PLD5: variants seen among roughly 807,000 people sequenced by gnomAD.
PLD5 encodes inactive phospholipase D5.
A neutral mutation model predicts 61.1 loss-of-function variants in PLD5; 36 were observed. The ratio of observed to expected loss-of-function variants is 0.59; its 90% CI spans 0.45 to 0.78. The LOEUF (loss-of-function observed/expected upper bound fraction) is 0.78. Among genes scored for constraint, PLD5 ranks in the 30% least tolerant of loss-of-function variants. PLD5 has a pLI of 0.00. For missense variants in PLD5, 515 were observed against 644.4 expected, an observed-to-expected ratio of 0.80 and a Z score of 2.17; for synonymous variants, 243 against 242.8, an observed-to-expected ratio of 1.00 and a Z score of -0.01.
At chr1:242,400,144 A>G (rs868452004) in intron 1 of PLD5, among the ~76,000 whole-genome samples, 29 of 152,048 alleles carry the variant, frequency 1.9e-4, no homozygotes, top group African/African-American at 6.5e-4. Context: ...CTCCAGCCTG[A>G]GCGACAAGAG....
At chr1:242,440,898 A>G (rs184574330) in intron 1 of PLD5, among the ~76,000 whole-genome samples, 36 of 152,302 alleles carry the variant, frequency 2.4e-4, no homozygotes, top group Middle Eastern at 6.8e-3. Flanking sequence ...CACTGTATGG[A>G]TGAAATACAA....
chr1:242,529,779 C>CTTCCTTCCTTCCTTCCTTCCTTCT, the PLD5 span, among the ~76,000 whole-genome samples: 3,392 of 24,002 alleles, frequency 0.14, 94 homozygotes, highest in East Asian at 0.47. Context: ...GCACTGGGAT[C>CTTCCTTCCTTCCTTCCTTCCTTCT]TTCCTTCCTT....
intron 1 of PLD5, among the ~76,000 whole-genome samples, chr1:242,490,299 A>G (rs1668103196): frequency 6.6e-6 from 1 of 152,264 alleles, no homozygotes; most frequent in Admixed American, 6.5e-5. Flanking sequence ...AAACCCAGAA[A>G]TTCAAAAATC....
intron 5 of PLD5, among the ~76,000 whole-genome samples, chr1:242,219,546 T>C (rs767036524): frequency 2.6e-5 from 4 of 152,258 alleles, no homozygotes; most frequent in Non-Finnish European, 5.9e-5. Flanking sequence ...TTCAACATAT[T>C]TGAAGTTAAT....
intron 5 of PLD5, among the ~76,000 whole-genome samples, chr1:242,156,119 T>C (rs1460645887): frequency 1.3e-5 from 2 of 152,212 alleles, no homozygotes; most frequent in African/African-American, 4.8e-5. Context: ...CCTCTTTGTC[T>C]CTTTTGATCT....
chr1:242,165,501 CTA>C (rs1378231164), intron 5 of PLD5, among the ~76,000 whole-genome samples: 1 of 148,458 alleles, frequency 6.7e-6, no homozygotes, highest in African/African-American at 2.5e-5. Flanking sequence ...AAAATATAGA[CTA>C]TGAAAAAAAG....
At chr1:242,178,485 A>AT (rs1182685158) in intron 5 of PLD5, 1 of 152,088 alleles carries the variant, frequency 6.6e-6, no homozygotes, top group Non-Finnish European at 1.5e-5. Context: ...ATAAGGCTGT[A>AT]TTTTTCTTCC....
At chr1:242,433,941 G>T (rs752816434) in intron 1 of PLD5, among the ~76,000 whole-genome samples, 1 of 152,220 alleles carries the variant, frequency 6.6e-6, no homozygotes, top group African/African-American at 2.4e-5. Context: ...GACAGAAAAT[G>T]AGGTCAGAGA....
At chr1:242,408,370 T>C (rs1664357405) in intron 1 of PLD5, among the ~76,000 whole-genome samples, 1 of 152,186 alleles carries the variant, frequency 6.6e-6, no homozygotes, top group Non-Finnish European at 1.5e-5. Flanking sequence ...CCCCTCCAAA[T>C]CTCAGGTTGA....
intron 1 of PLD5, among the ~76,000 whole-genome samples, chr1:242,512,668 T>C (rs1668967323): frequency 6.6e-6 from 1 of 152,154 alleles, no homozygotes; most frequent in Admixed American, 6.5e-5. Flanking sequence ...CCATAAACAA[T>C]AACACTGGAT....
chr1:242,237,959 T>C (rs1467323219), intron 4 of PLD5, among the ~76,000 whole-genome samples: 1 of 152,190 alleles, frequency 6.6e-6, no homozygotes, highest in Admixed American at 6.5e-5. Context: ...CATTCTCCGA[T>C]GTGTCTGAAC....
chr1:242,410,796 T>C (rs1392222951), intron 1 of PLD5, among the ~76,000 whole-genome samples: 4 of 152,054 alleles, frequency 2.6e-5, no homozygotes, highest in Non-Finnish European at 5.9e-5. Context: ...CAGGCATAAA[T>C]GGGTTAAGGT....
chr1:242,474,052 C>T (rs1667517392), intron 1 of PLD5, among the ~76,000 whole-genome samples: 1 of 152,160 alleles, frequency 6.6e-6, no homozygotes, highest in African/African-American at 2.4e-5. Context: ...ATTATATAGG[C>T]ATTACAAAAT....
At chr1:242,515,041 T>C (rs752022441) in intron 1 of PLD5, among the ~76,000 whole-genome samples, 38 of 152,310 alleles carry the variant, frequency 2.5e-4, no homozygotes, top group Non-Finnish European at 4.6e-4. Flanking sequence ...AAATCTTCTG[T>C]GTATAGCTCT....
At chr1:242,273,406 T>C (rs1674225970) in intron 3 of PLD5, among the ~76,000 whole-genome samples, 2 of 152,144 alleles carry the variant, frequency 1.3e-5, no homozygotes, top group Non-Finnish European at 2.9e-5. Flanking sequence ...AAGACGCTAT[T>C]TTAATTCAGT....
At chr1:242,161,747 A>G (rs192243668) in intron 5 of PLD5, among the ~76,000 whole-genome samples, 2 of 146,144 alleles carry the variant, frequency 1.4e-5, no homozygotes, top group African/African-American at 5.1e-5. Context: ...CAGAAGTAAT[A>G]TACGTCAAGA....
In PLD5 at chr1:242,124,504, A is replaced by C; in HGVS notation, c.897T>G (p.Leu299=). ...GVYDNEKKLQ[L]QLNETKSQAF... is the part of the protein sequence containing the mutation. ...CTTGAGATTTGGTTTCATTCAACTG[A>C]AGTTGCAATTTCTTTTCATTGTCAT... Residue 299 remains leucine (L), a synonymous_variant, in exon 6 of 10, where the codon CTT becomes CTG. Coordinates refer to ENST00000536534, the MANE Select transcript of PLD5 (RefSeq NM_001372062.1). 1 of 1,614,090 alleles carries C rather than the reference A, an allele frequency of 6.2e-7. No individual in the cohort carries two copies. The highest frequency in any genetic ancestry group is 8.5e-7 in the Non-Finnish European group (1 of 1,179,976).
rs543623623 is a variant in PLD5, at chr1:242,321,318, T to G, written c.326+26788A>C. Among the ~76,000 whole-genome samples, 12 of 152,192 alleles carry G rather than the reference T, an allele frequency of 7.9e-5. No individual in the cohort carries two copies. The East Asian group carries it at 9.7e-4, about 12-fold the overall frequency. ...CTTTCTCTCTCTCTCTCTTTTTTTT[T>G]TTTGGATGGAGTTTCACTCTTGTTG... On this transcript the variant is annotated intron_variant, in intron 2 of 9. Coordinates refer to ENST00000536534, the MANE Select transcript of PLD5 (RefSeq NM_001372062.1).
intron 5 of PLD5, among the ~76,000 whole-genome samples, chr1:242,209,593 C>T (rs957932061): frequency 1.3e-5 from 2 of 152,136 alleles, no homozygotes; most frequent in African/African-American, 4.8e-5. Flanking sequence ...ACAACCTGCA[C>T]CCGTCTAAGT....
Sources: gnomAD v4.1 joint callset for allele counts (sites outside exome capture counted in the v4.1 genomes callset) on GRCh38, gnomAD v4.1.1 for gene constraint, MANE v1.5 for transcripts, NCBI Gene and HGNC (gene_info 2026-07-23, HGNC 2026-07-21) for gene names.